The following SEPHS1 variants were observed in gnomAD, a reference collection of about 807,000 sequenced individuals.
SEPHS1 encodes the protein zincore component SEPHS1.
SEPHS1 carries 7 observed loss-of-function variants against 39.2 expected under a neutral mutation model. That is an observed-to-expected ratio of 0.18 (90% CI 0.10 to 0.34). The LOEUF (loss-of-function observed/expected upper bound fraction) is 0.34, where lower values mean the gene tolerates loss of function less well. Among genes scored for constraint, SEPHS1 ranks in the 10% least tolerant of loss-of-function variants. SEPHS1 has a pLI of 1.00. For synonymous variants in SEPHS1, 190 were observed against 195.5 expected (o/e 0.97, Z 0.23); for missense variants, 253 against 514.5 (o/e 0.49, Z 4.92).
intron 3 of SEPHS1, among the ~76,000 whole-genome samples, chr10:13,336,954 C>T (rs1833654821): frequency 6.6e-6 from 1 of 152,162 alleles, no homozygotes; most frequent in Admixed American, 6.5e-5. Flanking sequence ...AGTTAAAGAC[C>T]AGCCTGGCCA....
intron 7 of SEPHS1, among the ~76,000 whole-genome samples, chr10:13,325,065 G>A (rs897667978): frequency 6.6e-6 from 1 of 152,078 alleles, no homozygotes; most frequent in African/African-American, 2.4e-5. Flanking sequence ...ACCTGACCTT[G>A]AACAGGTATG....
At chr10:13,338,853 GCCATTTCATTTTATATCA>G in intron 2 of SEPHS1, 45 bp from the exon 3 acceptor site, 1 of 1,422,524 alleles carries the variant, frequency 7.0e-7, no homozygotes, top group Non-Finnish European at 9.9e-7. Flanking sequence ...AAACGGGAAA[GCCATTTCATTTTATATCA>G]CCAGTGCTCT....
chr10:13,323,413 C>T (rs1191345237), intron 7 of SEPHS1, among the ~76,000 whole-genome samples: 2 of 151,848 alleles, frequency 1.3e-5, no homozygotes, highest in East Asian at 3.9e-4. Context: ...GGGGTGCAGT[C>T]GTACGATCTC....
At chr10:13,346,123 C>G (rs954097738) in intron 1 of SEPHS1, among the ~76,000 whole-genome samples, 1 of 152,162 alleles carries the variant, frequency 6.6e-6, no homozygotes, top group African/African-American at 2.4e-5. Flanking sequence ...ATTGCAGAAC[C>G]GAAACAATAA....
At chr10:13,322,814 G>C (rs780380520) in intron 8 of SEPHS1, 21 bp downstream of exon 8, 6 of 1,608,468 alleles carry the variant, frequency 3.7e-6, no homozygotes, top group Non-Finnish European at 4.2e-6. Flanking sequence ...TTAGTCCTCA[G>C]ATGCGCCCAG....
intron 3 of SEPHS1, among the ~76,000 whole-genome samples, chr10:13,336,829 T>C (rs750462355): frequency 3.3e-5 from 5 of 152,214 alleles, no homozygotes; most frequent in Non-Finnish European, 5.9e-5. Context: ...GAGATGGAGA[T>C]AGTCTTTGTG....
intron 2 of SEPHS1, among the ~76,000 whole-genome samples, chr10:13,342,521 G>A (rs771275149): frequency 6.6e-6 from 1 of 151,966 alleles, no homozygotes; most frequent in African/African-American, 2.4e-5. Flanking sequence ...GGGAAGCGGA[G>A]GTTGCAGTGA....
rs1162967453 is a variant in SEPHS1 at position 13,344,613 on chromosome 10, A to G, written c.193+145T>C. The G allele has an allele frequency of 5.5e-6, 3 of 549,756 alleles. No homozygotes were observed. In the Admixed American group the frequency reaches 9.9e-5, roughly 18 times the overall value. 34.1% of individuals were successfully genotyped at this position (549,756 alleles called of 1,614,324 possible). A position where few individuals can be genotyped will look rare whatever the true frequency, so the allele number is the denominator to read the frequency against. ...TCACCATTATGTAATATATTCATGT[A>G]ACAAAACTGCATGTGTATTCCTCAA... On this transcript the variant is annotated intron_variant, in intron 2 of 8. Transcript: ENST00000327347.
At chr10:13,323,500 G>A (rs925752947) in intron 7 of SEPHS1, among the ~76,000 whole-genome samples, 2 of 152,022 alleles carry the variant, frequency 1.3e-5, no homozygotes, top group African/African-American at 4.8e-5. Context: ...GACTACAGGT[G>A]CGCACCACCA....
intron 2 of SEPHS1, among the ~76,000 whole-genome samples, chr10:13,344,031 TAGTAA>T (rs1833863700): frequency 6.6e-6 from 1 of 152,044 alleles, no homozygotes; most frequent in South Asian, 2.1e-4. Flanking sequence ...ATCAGGAATG[TAGTAA>T]AGAAAAAGAC....
chr10:13,333,771 G>A (rs759560776), intron 5 of SEPHS1, 46 bp downstream of exon 5: 2 of 1,590,840 alleles, frequency 1.3e-6, no homozygotes, highest in African/African-American at 1.3e-5. Flanking sequence ...AGAGAGGACA[G>A]AGAGAGAAAA....
At chr10:13,346,640 G>A (rs1400483479) in intron 1 of SEPHS1, among the ~76,000 whole-genome samples, 1 of 92,776 alleles carries the variant, frequency 1.1e-5, no homozygotes, top group East Asian at 3.8e-4. Flanking sequence ...CTTTGACTTG[G>A]AAGGCGTTTT....
At chr10:13,342,651 G>A (rs551548154) in intron 2 of SEPHS1, among the ~76,000 whole-genome samples, 2 of 152,062 alleles carry the variant, frequency 1.3e-5, no homozygotes, top group South Asian at 2.1e-4. Context: ...TGTACAGAGG[G>A]TATACACATA....
intron 8 of SEPHS1, chr10:13,322,139 T>G (rs566349041): frequency 2.9e-6 from 1 of 341,726 alleles, no homozygotes; most frequent in South Asian, 1.9e-5. Flanking sequence ...TATCATTCTC[T>G]TTTCTTTTTT....
At chr10:13,332,333 C>T (rs1413109268) in intron 5 of SEPHS1, among the ~76,000 whole-genome samples, 3 of 152,152 alleles carry the variant, frequency 2.0e-5, no homozygotes, top group African/African-American at 7.2e-5. Flanking sequence ...TCCTTAGAGA[C>T]AAAAGCACAT....
intron 3 of SEPHS1, among the ~76,000 whole-genome samples, chr10:13,338,414 T>C (rs1050955981): frequency 3.3e-5 from 5 of 152,142 alleles, no homozygotes; most frequent in East Asian, 1.9e-4. Flanking sequence ...AAACAGGCCA[T>C]TGACATGCTA....
chr10:13,328,569 GAAAA>G, intron 6 of SEPHS1, 119 bp from the exon 7 acceptor site: 1 of 712,302 alleles, frequency 1.4e-6, no homozygotes, highest in Non-Finnish European at 2.4e-6. Context: ...CTTTAATTCA[GAAAA>G]CTGAATTTTC....
At chr10:13,320,765 T>C (rs893274308) in intron 8 of SEPHS1, among the ~76,000 whole-genome samples, 1 of 151,168 alleles carries the variant, frequency 6.6e-6, no homozygotes, top group African/African-American at 2.4e-5. Flanking sequence ...GAGGGGGAGG[T>C]TGCAGTGAGC....
At chr10:13,342,739 C>CTT (rs954868189) in intron 2 of SEPHS1, among the ~76,000 whole-genome samples, 6 of 145,242 alleles carry the variant, frequency 4.1e-5, no homozygotes, top group African/African-American at 1.3e-4. Context: ...AAACAGTAAT[C>CTT]TTTTTTTTTT....
Sources: allele counts gnomAD v4.1 joint callset (sites outside exome capture counted in the v4.1 genomes callset), GRCh38; gene constraint gnomAD v4.1.1; transcripts MANE v1.5; gene names NCBI Gene and HGNC (gene_info 2026-07-23, HGNC 2026-07-21).